The following UBE2W variants were observed in gnomAD, a reference collection of about 807,000 sequenced individuals.
UBE2W encodes ubiquitin conjugating enzyme E2 W.
UBE2W carries 18 observed loss-of-function variants against 27.2 expected under a neutral mutation model. The observed-to-expected ratio is 0.66, with a 90% CI of 0.46 to 0.98. The LOEUF is 0.98. Ranked by LOEUF, UBE2W falls within the 50% of genes least tolerant of loss-of-function variation. The pLI is 0.00. For synonymous variants in UBE2W, 53 were observed against 57.2 expected (o/e 0.93, Z 0.33); for missense variants, 90 against 180.2 (o/e 0.50, Z 2.87).
chr8:73,808,222 G>C lies in UBE2W; in HGVS notation c.366+2252C>G, dbSNP rs537654484. ...TTAATAATAATAAAACGTGTAGATGGGTATTTAAAATACTTTTCTTTTTTC... is the reference window on the plus strand; with the variant it reads ...TTAATAATAATAAAACGTGTAGATGCGTATTTAAAATACTTTTCTTTTTTC... On this transcript the variant is annotated intron_variant, in intron 4 of 5. Transcript: ENST00000602593. 1.1e-4 allele frequency among the ~76,000 whole-genome samples: 16 copies of C among 151,160 alleles called. No homozygotes were observed. In the South Asian group the frequency reaches 3.2e-3, roughly 30 times the overall value.
intron 5 of UBE2W, among the ~76,000 whole-genome samples, chr8:73,805,079 T>C (rs1388008488): frequency 6.6e-6 from 1 of 152,118 alleles, no homozygotes; most frequent in Non-Finnish European, 1.5e-5. Context: ...TTTTCTGTAA[T>C]ACAATGGTAG....
At position 73,793,216 on chromosome 8, in the gene UBE2W, A is replaced by G. The variant is rs1476500536; in HGVS notation, c.*886T>C. ...CATGCTGATGGCTAGCAGGAAGTTA[A>G]CAGAGTGTAACTTACTTGGAAAAAA... On this transcript the variant is annotated 3_prime_UTR_variant, in exon 6 of 6. Coordinates refer to ENST00000602593, the MANE Select transcript of UBE2W (RefSeq NM_018299.6). 8.1e-6 allele frequency: 8 copies of G among 985,434 alleles called. No homozygotes were observed. Among genetic ancestry groups the G allele is most frequent in the Non-Finnish European group, 9.6e-6 (8 of 829,646 alleles). 61.0% of individuals were successfully genotyped at this position (985,434 alleles called of 1,614,324 possible).
At chr8:73,855,383 T>C (rs1811245831) in intron 1 of UBE2W, among the ~76,000 whole-genome samples, 2 of 150,886 alleles carry the variant, frequency 1.3e-5, no homozygotes, top group Non-Finnish European at 3.0e-5. Context: ...TTCATCTTTA[T>C]ATTCTACTTT....
At chr8:73,878,232 G>C (rs1246046062) in intron 1 of UBE2W, among the ~76,000 whole-genome samples, 1 of 152,232 alleles carries the variant, frequency 6.6e-6, no homozygotes, top group African/African-American at 2.4e-5. Flanking sequence ...GATACCCACG[G>C]GCACAGGATT....
rs905033751 is a variant in UBE2W at position 73,786,342 on chromosome 8, C to T, written c.*7760G>A. On this transcript the variant is annotated 3_prime_UTR_variant, in exon 6 of 6. Transcript: ENST00000602593. ...TGGATATATGTTTCAAAATAGCTAGCACCTAAGTTTCTTTGAGAAAGCTAG... is the reference window on the plus strand; with the variant it reads ...TGGATATATGTTTCAAAATAGCTAGTACCTAAGTTTCTTTGAGAAAGCTAG... 1.0e-6 allele frequency: 1 copy of T among 985,394 alleles called. No homozygotes were observed. The allele number at this position is 985,394 out of a possible 1,614,324, so 61.0% of individuals were successfully genotyped here. A position where few individuals can be genotyped will look rare whatever the true frequency, so the allele number is the denominator to read the frequency against.
chr8:73,851,331 C>A (rs1811069663), intron 1 of UBE2W, among the ~76,000 whole-genome samples: 1 of 151,486 alleles, frequency 6.6e-6, no homozygotes, highest in Non-Finnish European at 1.5e-5. Flanking sequence ...CGGGTAAAGG[C>A]TAGAGAAAGG....
At chr8:73,842,627 A>G (rs56945819) in intron 1 of UBE2W, among the ~76,000 whole-genome samples, 4,690 of 151,830 alleles carry the variant, frequency 0.031, 226 homozygotes, top group African/African-American at 0.1. Flanking sequence ...ATAAAGAAAA[A>G]GCAAGCCTCA....
chr8:73,783,737 C>T (rs1370004582), downstream of UBE2W, among the ~76,000 whole-genome samples: 1 of 152,148 alleles, frequency 6.6e-6, no homozygotes, highest in Non-Finnish European at 1.5e-5. Flanking sequence ...TCCCTTTGCC[C>T]ACACAATATT....
At chr8:73,785,029 C>A (rs955734953), downstream of UBE2W, among the ~76,000 whole-genome samples, 8 of 152,170 alleles carry the variant, frequency 5.3e-5, no homozygotes, top group African/African-American at 1.9e-4. Context: ...CTGAACCAGT[C>A]CCACAGTCCT....
intron 4 of UBE2W, 60 bp from the exon 5 acceptor site, chr8:73,805,786 T>G: frequency 3.0e-6 from 3 of 988,470 alleles, no homozygotes; most frequent in Non-Finnish European, 4.3e-6. Context: ...GGTGACAGTT[T>G]TAATAAAAGC....
intron 1 of UBE2W, among the ~76,000 whole-genome samples, chr8:73,868,605 A>G (rs752571941): frequency 1.3e-5 from 2 of 152,076 alleles, no homozygotes; most frequent in Non-Finnish European, 2.9e-5. Context: ...ACTGGTGTCT[A>G]AAGTGGGGGC....
intron 1 of UBE2W, among the ~76,000 whole-genome samples, chr8:73,872,740 G>A (rs555092976): frequency 1.3e-5 from 2 of 152,194 alleles, no homozygotes; most frequent in South Asian, 2.1e-4. Context: ...CTACTTTATA[G>A]TTTTTATAGC....
At chr8:73,836,249 A>T (rs975212286) in intron 1 of UBE2W, among the ~76,000 whole-genome samples, 2 of 152,080 alleles carry the variant, frequency 1.3e-5, no homozygotes, top group African/African-American at 4.8e-5. Context: ...AAAAAAGACA[A>T]TTCATGCCAG....
chr8:73,791,943 G>A lies in UBE2W; in HGVS notation c.*2159C>T, dbSNP rs1808221701. The A allele has an allele frequency of 1.0e-6, 1 of 984,952 alleles. No homozygotes were observed. Among genetic ancestry groups the A allele is most frequent in the Admixed American group, 6.2e-5 (1 of 16,230 alleles). 61.0% of individuals were successfully genotyped at this position (984,952 alleles called of 1,614,324 possible). On this transcript the variant is annotated 3_prime_UTR_variant, in exon 6 of 6. Coordinates refer to ENST00000602593, the MANE Select transcript of UBE2W (RefSeq NM_018299.6). The stretch of plus-strand genomic sequence containing the variant: ...ATATGACCTATTACTCTATAGTATA[G>A]CATTGTTAATCTTTGACTCAGTATA...
intron 1 of UBE2W, among the ~76,000 whole-genome samples, chr8:73,856,342 T>G (rs1015407425): frequency 1.3e-5 from 2 of 149,994 alleles, no homozygotes; most frequent in African/African-American, 2.5e-5. Flanking sequence ...ATAGACAAAT[T>G]ATATACACTT....
chr8:73,802,615 C>A (rs1162741717), intron 5 of UBE2W, among the ~76,000 whole-genome samples: 1 of 152,194 alleles, frequency 6.6e-6, no homozygotes. Context: ...ATAGGCCAGG[C>A]GCAGTGGCTC....
chr8:73,818,852 G>A (rs150043695), intron 3 of UBE2W, among the ~76,000 whole-genome samples: 4 of 152,294 alleles, frequency 2.6e-5, no homozygotes, highest in South Asian at 2.1e-4. Flanking sequence ...GATGGTAAGC[G>A]TCCTGAGGCC....
At chr8:73,869,433 G>A (rs1586550880) in intron 1 of UBE2W, among the ~76,000 whole-genome samples, 1 of 152,168 alleles carries the variant, frequency 6.6e-6, no homozygotes, top group Non-Finnish European at 1.5e-5. Flanking sequence ...GCTCACACCT[G>A]TAATCCCAGC....
intron 1 of UBE2W, among the ~76,000 whole-genome samples, chr8:73,843,521 A>C (rs1323095189): frequency 6.6e-6 from 1 of 152,096 alleles, no homozygotes; most frequent in Non-Finnish European, 1.5e-5. Context: ...CTGTAGTCCT[A>C]GCTACTCCGG....
Sources: gnomAD v4.1 joint callset for allele counts (sites outside exome capture counted in the v4.1 genomes callset) on GRCh38, gnomAD v4.1.1 for gene constraint, MANE v1.5 for transcripts, NCBI Gene and HGNC (gene_info 2026-07-23, HGNC 2026-07-21) for gene names.